The following LMOD3 variants were observed in gnomAD, a reference collection of about 807,000 sequenced individuals.
LMOD3 encodes the protein leiomodin-3.
LMOD3 carries 31 observed loss-of-function variants against 41.8 expected under a neutral mutation model. That is an observed-to-expected ratio of 0.74 (90% confidence interval 0.56 to 1.00). The LOEUF (loss-of-function observed/expected upper bound fraction) is 1.00. LMOD3 is among the 50% of genes least tolerant of loss of function. The pLI is 0.00. For synonymous variants in LMOD3, 292 were observed against 241.9 expected (o/e 1.21, Z -1.92); for missense variants, 755 against 679.5 (o/e 1.11, Z -1.23).
chr3:69,109,498 A>C (rs1020323307), intron 2 of LMOD3, among the ~76,000 whole-genome samples: 1 of 151,182 alleles, frequency 6.6e-6, no homozygotes, highest in Non-Finnish European at 1.5e-5. Context: ...GCTATTATAC[A>C]AGTGAGTAAT....
rs776195983 is a variant in LMOD3, at chr3:69,109,078, G to A, written c.*17C>T. The A allele has an allele frequency of 1.3e-5, 21 of 1,591,746 alleles. No individual in the cohort carries two copies. The highest frequency in any genetic ancestry group is 1.8e-5 in the Non-Finnish European group (21 of 1,167,636). On this transcript the variant is annotated 3_prime_UTR_variant, in exon 3 of 3. Coordinates refer to ENST00000420581, the MANE Select transcript of LMOD3 (RefSeq NM_198271.5). ...ACTATTTCCATTTCTTGTTCTTCTA[G>A]ATGGCTCTGTTGCCTCTTACGCCAG...
chr3:69,115,439 G>A (rs1239090033), intron 2 of LMOD3, among the ~76,000 whole-genome samples: 1 of 151,538 alleles, frequency 6.6e-6, no homozygotes, highest in Non-Finnish European at 1.5e-5. Flanking sequence ...CCATAATTGA[G>A]CTACTGCACT....
rs537602503 is a variant in LMOD3 at position 69,113,593 on chromosome 3, C to A, written c.1657-4472G>T. Among the ~76,000 whole-genome samples, 11 of 152,324 alleles carry A rather than the reference C, an allele frequency of 7.2e-5. No individual in the cohort carries two copies. In the East Asian group the frequency reaches 9.7e-4, roughly 13 times the overall value. ...ATGATATTATTATACTGAAGTCTTT[C>A]TGGAGGAAAATTTAGCAATGGCTTT... On this transcript the variant is annotated intron_variant, in intron 2 of 2. Transcript: ENST00000420581.
rs757791893 is a variant in LMOD3, at chr3:69,122,201, C to A, written c.186G>T (p.Pro62=). The change falls in exon 1 of 3, where the codon CCG becomes CCT. Residue 62 remains proline (P), a synonymous_variant. Transcript: ENST00000420581. ...GAGATTTATGATTGAAGTTTCCTGT[C>A]GGTGGCTTGTCAGTTTGATCTTTCT... is the stretch of plus-strand genomic sequence containing the variant. ...MIQKDQTDKP[P]TGNFNHKSLV... is the part of the protein sequence containing the mutation. 3.7e-6 allele frequency: 6 copies of A among 1,613,250 alleles called. No homozygotes were observed. Among genetic ancestry groups the A allele is most frequent in the Non-Finnish European group, 2.5e-6 (3 of 1,179,698 alleles).
intron 1 of LMOD3, 60 bp from the exon 2 acceptor site, chr3:69,120,120 A>C: frequency 3.3e-6 from 5 of 1,506,142 alleles, no homozygotes; most frequent in Non-Finnish European, 3.5e-6. Context: ...GAAGTGGAGC[A>C]TCAGCTAGTG....
chr3:69,111,134 T>C (rs996593596), intron 2 of LMOD3, among the ~76,000 whole-genome samples: 6 of 152,150 alleles, frequency 3.9e-5, no homozygotes, highest in Non-Finnish European at 7.3e-5. Context: ...TCTCCCTGTA[T>C]TGCTAATGTC....
chr3:69,117,274 T>C (rs992029861), intron 2 of LMOD3, among the ~76,000 whole-genome samples: 4 of 152,270 alleles, frequency 2.6e-5, no homozygotes, highest in African/African-American at 9.6e-5. Context: ...CTATTGATAA[T>C]TCTCCATTCT....
chr3:69,114,839 A>G (rs2092364239), intron 2 of LMOD3, among the ~76,000 whole-genome samples: 2 of 152,236 alleles, frequency 1.3e-5, no homozygotes, highest in South Asian at 4.1e-4. Flanking sequence ...CAAATACAAA[A>G]GTAATATTTC....
Position 69,119,512 on chromosome 3 carries a change from G to T in LMOD3, c.843C>A (p.Asn281Lys), listed in dbSNP as rs1268359340. The T allele has an allele frequency of 1.2e-6, 2 of 1,613,928 alleles. No homozygotes were observed. The highest frequency in any genetic ancestry group is 1.7e-6 in the Non-Finnish European group (2 of 1,179,870). The change falls in exon 2 of 3, where the codon AAC becomes AAA. Residue 281 changes from asparagine to lysine, a missense_variant. Coordinates refer to ENST00000420581, the MANE Select transcript of LMOD3 (RefSeq NM_198271.5). ...LLDFVNAMKK[N>K]KHIKTFSLAN... Reference sequence around the variant, plus strand: ...CTAAACTGAATGTTTTGATGTGCTTGTTTTTCTTCATTGCATTGACAAAGT... The same window carrying T: ...CTAAACTGAATGTTTTGATGTGCTTTTTTTTCTTCATTGCATTGACAAAGT...
chr3:69,115,360 C>T (rs544906755), intron 2 of LMOD3, among the ~76,000 whole-genome samples: 7 of 151,804 alleles, frequency 4.6e-5, no homozygotes, highest in East Asian at 2.0e-4. Flanking sequence ...GTGGTGAGTG[C>T]GGTCCCAGCT....
At chr3:69,116,834 AG>A (rs2092376576) in intron 2 of LMOD3, among the ~76,000 whole-genome samples, 1 of 152,232 alleles carries the variant, frequency 6.6e-6, no homozygotes, top group African/African-American at 2.4e-5. Context: ...GGATTTGCTC[AG>A]CAGAGCACTC....
Position 69,122,345 on chromosome 3 carries a change from GAGA to G in LMOD3, c.39_41del (p.Leu14del), listed in dbSNP as rs139192915. 0.025 allele frequency: 40,474 copies of G among 1,610,784 alleles called. 615 individuals are homozygous for G. Among genetic ancestry groups the G allele is most frequent in the Non-Finnish European group, 0.029 (34,734 of 1,177,596 alleles). On this transcript the variant is annotated inframe_deletion, in exon 1 of 3. Coordinates refer to ENST00000420581, the MANE Select transcript of LMOD3 (RefSeq NM_198271.5). ...TTTCATCTTCATTAATCTCCTCATC[GAGA>G]AGTTCTTCTTGATCTGAATTTCTGC...
intron 2 of LMOD3, among the ~76,000 whole-genome samples, chr3:69,118,121 C>A (rs536467558): frequency 6.6e-6 from 1 of 152,210 alleles, no homozygotes; most frequent in Non-Finnish European, 1.5e-5. Context: ...TGAGCCAATG[C>A]GCCCGGCCTG....
chr3:69,112,659 G>A (rs887842093), intron 2 of LMOD3, among the ~76,000 whole-genome samples: 2 of 152,172 alleles, frequency 1.3e-5, no homozygotes, highest in African/African-American at 4.8e-5. Flanking sequence ...GGCCCTTCAG[G>A]GAAGACAGCA....
At chr3:69,120,999 T>C (rs1014079814) in intron 1 of LMOD3, among the ~76,000 whole-genome samples, 20 of 152,120 alleles carry the variant, frequency 1.3e-4, no homozygotes, top group African/African-American at 4.6e-4. Context: ...ATAACATAGG[T>C]CAGAAGAGAC....
At position 69,106,693 on chromosome 3, in the gene LMOD3, A is replaced by ATTTTTT. The variant is rs373817195; in HGVS notation, c.*2396_*2401dup. ...AACAAATGCATAGGGGCTTTCTAGAATTTTTTTTTTTTTTTTGAGATGAGG... is the reference window on the plus strand; with the variant it reads ...AACAAATGCATAGGGGCTTTCTAGAATTTTTTTTTTTTTTTTTTTTTTGAGATGAGG... On this transcript the variant is annotated 3_prime_UTR_variant, in exon 3 of 3. Transcript: ENST00000420581. 7.3e-6 allele frequency among the ~76,000 whole-genome samples: 1 copy of ATTTTTT among 137,718 alleles called. No homozygotes were observed. Among genetic ancestry groups the ATTTTTT allele is most frequent in the East Asian group, 2.2e-4 (1 of 4,620 alleles). The allele number at this position is 137,718 out of a possible 152,430, so 90.3% of individuals were successfully genotyped here. A position where few individuals can be genotyped will look rare whatever the true frequency, so the allele number is the denominator to read the frequency against.
At chr3:69,111,591 T>G (rs961534573) in intron 2 of LMOD3, among the ~76,000 whole-genome samples, 2 of 152,220 alleles carry the variant, frequency 1.3e-5, no homozygotes, top group Non-Finnish European at 2.9e-5. Flanking sequence ...TTTAATTATT[T>G]AGAGAGATGA....
intron 1 of LMOD3, among the ~76,000 whole-genome samples, chr3:69,121,350 G>T (rs967521352): frequency 6.6e-6 from 1 of 152,088 alleles, no homozygotes; most frequent in South Asian, 2.1e-4. Context: ...TTAACAAGAT[G>T]TATCTTTGTA....
At chr3:69,120,398 A>T (rs762691254) in intron 1 of LMOD3, among the ~76,000 whole-genome samples, 2 of 151,994 alleles carry the variant, frequency 1.3e-5, no homozygotes, top group Non-Finnish European at 2.9e-5. Context: ...TCTAGTACCC[A>T]ACAGTCCTGA....
Sources: allele counts gnomAD v4.1 joint callset (sites outside exome capture counted in the v4.1 genomes callset), GRCh38; gene constraint gnomAD v4.1.1; transcripts MANE v1.5; gene names NCBI Gene and HGNC (gene_info 2026-07-23, HGNC 2026-07-21).